ACVR1: variants seen among roughly 807,000 people sequenced by gnomAD.
ACVR1 encodes the protein activin A receptor type 1, also known as activin receptor type-1.
A neutral mutation model predicts 57.1 loss-of-function variants in ACVR1; 38 were observed. The observed-to-expected ratio is 0.67, with a 90% CI of 0.51 to 0.87. The LOEUF is 0.87. Ranked by LOEUF, ACVR1 falls within the 40% of genes least tolerant of loss-of-function variation. ACVR1 has a pLI of 0.00. For missense variants in ACVR1, 463 were observed against 638.2 expected (o/e 0.73, Z 2.96); for synonymous variants, 212 against 228.1 (o/e 0.93, Z 0.63).
At chr2:157,783,191 G>T (rs1382936205) in intron 3 of ACVR1, among the ~76,000 whole-genome samples, 1 of 152,160 alleles carries the variant, frequency 6.6e-6, no homozygotes, top group Non-Finnish European at 1.5e-5. Flanking sequence ...AAAAAATAAA[G>T]TAACAACAAC....
At chr2:157,796,219 C>T (rs1279944030) in intron 3 of ACVR1, among the ~76,000 whole-genome samples, 1 of 88,348 alleles carries the variant, frequency 1.1e-5, no homozygotes, top group East Asian at 5.6e-4. Flanking sequence ...GAGACTCTGC[C>T]TCAAAAAAAA....
chr2:157,874,535 A>G (rs1690216201), intron 1 of ACVR1, among the ~76,000 whole-genome samples: 1 of 152,238 alleles, frequency 6.6e-6, no homozygotes, highest in African/African-American at 2.4e-5. Context: ...GCCAGGACAT[A>G]CTATAGTGTT....
At chr2:157,815,560 A>C (rs1687905041) in intron 2 of ACVR1, among the ~76,000 whole-genome samples, 1 of 152,220 alleles carries the variant, frequency 6.6e-6, no homozygotes, top group South Asian at 2.1e-4. Context: ...ATTAAGAATC[A>C]CAGGGGTAGC....
intron 2 of ACVR1, among the ~76,000 whole-genome samples, chr2:157,809,751 G>A (rs1175079273): frequency 6.6e-6 from 1 of 152,170 alleles, no homozygotes; most frequent in Non-Finnish European, 1.5e-5. Flanking sequence ...AGCCGATAGA[G>A]TAGAAAATTA....
Position 157,876,153 on chromosome 2 carries a change from G to A in ACVR1, c.-540C>T, listed in dbSNP as rs1204405202. 1.3e-5 allele frequency among the ~76,000 whole-genome samples: 2 copies of A among 148,288 alleles called. No homozygotes were observed. The highest frequency in any genetic ancestry group is 3.0e-5 in the Non-Finnish European group (2 of 66,644). ...GAAGAGGAGGAGGAAGGGGAGGAGG[G>A]CGGGCAGAATAAACTTCCCGAGGCG... On this transcript the variant is annotated 5_prime_UTR_variant, in exon 1 of 11. Transcript: ENST00000434821.
intron 1 of ACVR1, among the ~76,000 whole-genome samples, chr2:157,822,293 C>G (rs762459863): frequency 6.6e-6 from 1 of 152,182 alleles, no homozygotes; most frequent in Non-Finnish European, 1.5e-5. Flanking sequence ...GTTTCCTTTT[C>G]CATGAAATGG....
At position 157,876,067 on chromosome 2, in the gene ACVR1, G is replaced by A. The variant is rs1671507789; in HGVS notation, c.-454C>T. Among the ~76,000 whole-genome samples, 1 of 147,362 alleles carries A rather than the reference G, an allele frequency of 6.8e-6. No homozygotes were observed. The highest frequency in any genetic ancestry group is 2.5e-5 in the African/African-American group (1 of 40,310). On this transcript the variant is annotated 5_prime_UTR_variant, in exon 1 of 11. Coordinates refer to ENST00000434821, the MANE Select transcript of ACVR1 (RefSeq NM_001111067.4). ...CTGGCCGAGGAGCAGGCTGGCAGCG[G>A]CAGCGGCGGCAGCGGCAGCCACCCG...
intron 3 of ACVR1, among the ~76,000 whole-genome samples, chr2:157,797,349 C>T (rs921201483): frequency 1.3e-5 from 2 of 152,072 alleles, no homozygotes; most frequent in African/African-American, 4.8e-5. Flanking sequence ...TCCTTGGAAA[C>T]TCATCATTTA....
rs571861593 is a variant in ACVR1 at position 157,867,659 on chromosome 2, T to C, written c.-183+8137A>G. ...TTTTTTTTATGAAAATGTCCCCCAT[T>C]TTTACATGTTAGCAACCATGTTTTT... On this transcript the variant is annotated intron_variant, in intron 1 of 10. Transcript: ENST00000434821. 2.9e-4 allele frequency among the ~76,000 whole-genome samples: 42 copies of C among 143,220 alleles called. No homozygotes were observed. The South Asian group carries it at 9.3e-3, about 32-fold the overall frequency. 94.0% of individuals were successfully genotyped at this position (143,220 alleles called of 152,430 possible). A position where few individuals can be genotyped will look rare whatever the true frequency, so the allele number is the denominator to read the frequency against.
At chr2:157,819,750 C>T (rs532700260) in intron 1 of ACVR1, among the ~76,000 whole-genome samples, 119 of 151,748 alleles carry the variant, frequency 7.8e-4, no homozygotes, top group Non-Finnish European at 1.5e-3. Flanking sequence ...GGAGGGGAGG[C>T]TCTAGATAAC....
intron 2 of ACVR1, among the ~76,000 whole-genome samples, chr2:157,814,910 C>T (rs1574099589): frequency 6.6e-6 from 1 of 152,072 alleles, no homozygotes; most frequent in Admixed American, 6.6e-5. Context: ...ACGGTGAAAC[C>T]CTGTCTCTAC....
intron 5 of ACVR1, among the ~76,000 whole-genome samples, chr2:157,774,772 A>G (rs1686214289): frequency 1.3e-5 from 2 of 152,260 alleles, no homozygotes; most frequent in Admixed American, 1.3e-4. Flanking sequence ...GTTTCCAAAT[A>G]AAATATATAA....
intron 9 of ACVR1, among the ~76,000 whole-genome samples, 158 bp downstream of exon 9, chr2:157,760,722 C>T (rs951795273): frequency 2.0e-5 from 3 of 152,196 alleles, no homozygotes; most frequent in Admixed American, 2.0e-4. Flanking sequence ...AGCCATTACA[C>T]TCCATCTACC....
At chr2:157,803,113 T>G (rs1687387209) in intron 2 of ACVR1, among the ~76,000 whole-genome samples, 2 of 151,828 alleles carry the variant, frequency 1.3e-5, no homozygotes, top group East Asian at 3.9e-4. Context: ...CAAGACTCCT[T>G]TTACTATTAA....
intron 1 of ACVR1, among the ~76,000 whole-genome samples, chr2:157,856,842 G>A (rs1334102135): frequency 2.0e-5 from 3 of 152,154 alleles, no homozygotes; most frequent in Admixed American, 6.5e-5. Context: ...TACATGGTCC[G>A]ATACTGAGAC....
chr2:157,861,555 TC>T (rs1277705525), intron 1 of ACVR1, among the ~76,000 whole-genome samples: 2 of 152,170 alleles, frequency 1.3e-5, no homozygotes, highest in African/African-American at 4.8e-5. Flanking sequence ...GAAAACTAAA[TC>T]CAGGTAATCT....
At chr2:157,823,131 A>G (rs1439276297) in intron 1 of ACVR1, among the ~76,000 whole-genome samples, 3 of 152,172 alleles carry the variant, frequency 2.0e-5, no homozygotes, top group Non-Finnish European at 4.4e-5. Context: ...TCTCTCCCAC[A>G]TGCTCCTATC....
intron 1 of ACVR1, among the ~76,000 whole-genome samples, chr2:157,853,032 C>T (rs1689377303): frequency 6.6e-6 from 1 of 152,312 alleles, no homozygotes; most frequent in South Asian, 2.1e-4. Context: ...AATAAGATCT[C>T]AAAACTAGAA....
chr2:157,820,648 A>G (rs1205113816), intron 1 of ACVR1, among the ~76,000 whole-genome samples: 3 of 151,314 alleles, frequency 2.0e-5, no homozygotes, highest in African/African-American at 4.9e-5. Context: ...TCTTCACTGC[A>G]TGGAACTCCT....
Sources: allele counts gnomAD v4.1 joint callset (sites outside exome capture counted in the v4.1 genomes callset), GRCh38; gene constraint gnomAD v4.1.1; transcripts MANE v1.5; gene names NCBI Gene and HGNC (gene_info 2026-07-23, HGNC 2026-07-21).